Variants in KIF16B observed in about 807,000 individuals in gnomAD.
The protein encoded by KIF16B is kinesin family member 16B, also known as kinesin-like protein KIF16B.
KIF16B carries 98 observed loss-of-function variants against 156.3 expected under a neutral mutation model. The observed-to-expected ratio is 0.63, with a 90% CI of 0.53 to 0.74. The LOEUF is 0.74. KIF16B is among the 30% of genes least tolerant of loss of function. The pLI is 0.00. For missense variants in KIF16B, 1,421 were observed against 1,606.5 expected, an observed-to-expected ratio of 0.88 and a Z score of 1.97; for synonymous variants, 564 against 583.7, an observed-to-expected ratio of 0.97 and a Z score of 0.49.
At chr20:16,537,218 A>C (rs1478459724) in intron 1 of KIF16B, among the ~76,000 whole-genome samples, 2 of 152,144 alleles carry the variant, frequency 1.3e-5, no homozygotes, top group Non-Finnish European at 2.9e-5. Context: ...GTGCTACTAT[A>C]CAAAGTCCTT....
chr20:16,402,196 C>T (rs1273236147), intron 17 of KIF16B, among the ~76,000 whole-genome samples: 2 of 152,184 alleles, frequency 1.3e-5, no homozygotes, highest in East Asian at 1.9e-4. Context: ...GTCATTTTCT[C>T]TCCATACAAG....
intron 22 of KIF16B, chr20:16,367,170 T>A: frequency 6.2e-7 from 1 of 1,603,116 alleles, no homozygotes; most frequent in African/African-American, 1.3e-5. Flanking sequence ...AATGTGAGAT[T>A]AGCCAAAGAG....
At chr20:16,477,689 C>T (rs986250033) in intron 12 of KIF16B, among the ~76,000 whole-genome samples, 2 of 152,096 alleles carry the variant, frequency 1.3e-5, no homozygotes, top group African/African-American at 4.8e-5. Flanking sequence ...GGAATGTTTG[C>T]TGAAAAGTTT....
intron 25 of KIF16B, among the ~76,000 whole-genome samples, chr20:16,305,166 C>T (rs188331286): frequency 1.3e-4 from 20 of 152,180 alleles, no homozygotes; most frequent in Admixed American, 2.0e-4. Flanking sequence ...AGTTAGGAAC[C>T]GGCCTGGCAT....
chr20:16,335,215 C>T (rs1484634340), intron 24 of KIF16B, among the ~76,000 whole-genome samples: 1 of 152,140 alleles, frequency 6.6e-6, no homozygotes, highest in Non-Finnish European at 1.5e-5. Flanking sequence ...ACACAAAATT[C>T]CCAGAAAGCT....
chr20:16,536,442 C>T (rs1018198056), intron 1 of KIF16B, among the ~76,000 whole-genome samples: 1 of 152,098 alleles, frequency 6.6e-6, no homozygotes, highest in Non-Finnish European at 1.5e-5. Flanking sequence ...AAGCTGACTA[C>T]AGTTAACAAC....
At chr20:16,339,022 A>T (rs1161981377) in intron 23 of KIF16B, among the ~76,000 whole-genome samples, 1 of 152,050 alleles carries the variant, frequency 6.6e-6, no homozygotes, top group East Asian at 1.9e-4. Context: ...GACGGAAGGG[A>T]AAGGCAAGTC....
At chr20:16,559,825 C>T (rs890178490) in intron 1 of KIF16B, among the ~76,000 whole-genome samples, 1 of 152,012 alleles carries the variant, frequency 6.6e-6, no homozygotes, top group African/African-American at 2.4e-5. Flanking sequence ...ATTTTGTTAT[C>T]TTGGACTGGA....
intron 24 of KIF16B, among the ~76,000 whole-genome samples, chr20:16,329,067 T>A (rs1207372365): frequency 6.6e-6 from 1 of 152,140 alleles, no homozygotes; most frequent in Non-Finnish European, 1.5e-5. Flanking sequence ...CATCTGTGAA[T>A]CTCTTGGAAG....
intron 1 of KIF16B, among the ~76,000 whole-genome samples, chr20:16,561,300 A>C (rs1050868831): frequency 1.3e-5 from 2 of 152,196 alleles, no homozygotes; most frequent in African/African-American, 2.4e-5. Flanking sequence ...TCTCAAAAAA[A>C]AGTAGTAGAG....
At chr20:16,340,022 A>G (rs2064112739) in intron 23 of KIF16B, among the ~76,000 whole-genome samples, 1 of 152,066 alleles carries the variant, frequency 6.6e-6, no homozygotes, top group Non-Finnish European at 1.5e-5. Context: ...GTCCCATCTC[A>G]CTCAGGGTAT....
At chr20:16,464,740 C>T (rs1489981103) in intron 12 of KIF16B, among the ~76,000 whole-genome samples, 6 of 152,160 alleles carry the variant, frequency 3.9e-5, no homozygotes, top group East Asian at 3.9e-4. Flanking sequence ...GGTACCCAAG[C>T]GCCCATTGTT....
chr20:16,302,629 T>C (rs575471731), intron 25 of KIF16B, among the ~76,000 whole-genome samples: 1 of 152,328 alleles, frequency 6.6e-6, no homozygotes, highest in East Asian at 1.9e-4. Context: ...TGAGTCTTCC[T>C]ACCCATGAAC....
intron 15 of KIF16B, among the ~76,000 whole-genome samples, chr20:16,416,437 G>T (rs1344433237): frequency 6.6e-6 from 1 of 152,094 alleles, no homozygotes; most frequent in Admixed American, 6.6e-5. Context: ...TGGCTAGCCA[G>T]TTCTCTGAGC....
At chr20:16,326,854 T>C (rs1203612133) in intron 24 of KIF16B, among the ~76,000 whole-genome samples, 1 of 151,578 alleles carries the variant, frequency 6.6e-6, no homozygotes, top group Non-Finnish European at 1.5e-5. Context: ...AGTCATTATA[T>C]GAAAAAGACA....
intron 1 of KIF16B, among the ~76,000 whole-genome samples, chr20:16,569,733 C>A (rs556456894): frequency 3.3e-5 from 5 of 152,294 alleles, no homozygotes; most frequent in Admixed American, 6.5e-5. Context: ...TCCTCACAAC[C>A]AACTGAAACT....
chr20:16,511,311 A>G (rs556278530), intron 6 of KIF16B, 107 bp downstream of exon 6: 61 of 578,196 alleles, frequency 1.1e-4, no homozygotes, highest in African/African-American at 1.0e-3. Flanking sequence ...AAATTCCAAA[A>G]TTAAATAAAT....
chr20:16,368,776 C>T lies in KIF16B; in HGVS notation c.3498+1810G>A, dbSNP rs1049949481. ...GGAAATGCCTTCAGACAGAACCAAGCAGAGCACCTTGCCTTGCCTGGCCTG... is the reference window on the plus strand; with the variant it reads ...GGAAATGCCTTCAGACAGAACCAAGTAGAGCACCTTGCCTTGCCTGGCCTG... On this transcript the variant is annotated intron_variant, in intron 22 of 25. Transcript: ENST00000354981. 6 of 985,742 alleles carry T rather than the reference C, an allele frequency of 6.1e-6. No individual in the cohort carries two copies. In the African/African-American group the frequency reaches 8.7e-5, roughly 14 times the overall value. 61.1% of individuals were successfully genotyped at this position (985,742 alleles called of 1,614,324 possible).
chr20:16,280,490 T>G (rs2063128290), intron 25 of KIF16B, among the ~76,000 whole-genome samples: 1 of 152,210 alleles, frequency 6.6e-6, no homozygotes, highest in African/African-American at 2.4e-5. Flanking sequence ...CAGAGGGCCT[T>G]GAATATGGAT....
Sources: allele counts gnomAD v4.1 joint callset (sites outside exome capture counted in the v4.1 genomes callset), GRCh38; gene constraint gnomAD v4.1.1; transcripts MANE v1.5; gene names NCBI Gene and HGNC (gene_info 2026-07-23, HGNC 2026-07-21).